Variants in RSU1 observed in about 807,000 individuals in gnomAD.
The protein encoded by RSU1 is rsu-1.
Under a neutral mutation model 31.1 loss-of-function variants are expected in RSU1, and 26 were observed. That is an observed-to-expected ratio of 0.84 (90% CI 0.61 to 1.16). The LOEUF is 1.16. Among genes scored for constraint, RSU1 ranks in the 50% most tolerant of loss-of-function variants. RSU1 has a pLI of 0.00. For missense variants in RSU1, 320 were observed against 339.1 expected, an observed-to-expected ratio of 0.94 and a Z score of 0.44; for synonymous variants, 164 against 136.3, an observed-to-expected ratio of 1.20 and a Z score of -1.41.
chr10:16,799,905 C>G (rs1483527233), intron 2 of RSU1, among the ~76,000 whole-genome samples: 1 of 152,128 alleles, frequency 6.6e-6, no homozygotes, highest in South Asian at 2.1e-4. Flanking sequence ...CACAGGCTCA[C>G]TAGAGAGATC....
chr10:16,632,327 T>C (rs1237610526), intron 8 of RSU1, among the ~76,000 whole-genome samples: 1 of 152,206 alleles, frequency 6.6e-6, no homozygotes, highest in South Asian at 2.1e-4. Flanking sequence ...GAATAAGCTA[T>C]TGAAAAAACA....
chr10:16,630,358 T>C (rs190649788), intron 8 of RSU1, among the ~76,000 whole-genome samples: 187 of 152,374 alleles, frequency 1.2e-3, no homozygotes, highest in Non-Finnish European at 2.3e-3. Flanking sequence ...TCTGTGTTCT[T>C]TCTCCACTAA....
At chr10:16,698,759 C>T (rs1287255248) in intron 7 of RSU1, among the ~76,000 whole-genome samples, 5 of 152,226 alleles carry the variant, frequency 3.3e-5, no homozygotes, top group Admixed American at 2.0e-4. Context: ...AAAGGAGTCA[C>T]ACGCTGATGT....
chr10:16,638,096 T>A (rs1354925696), intron 8 of RSU1, among the ~76,000 whole-genome samples: 4 of 152,204 alleles, frequency 2.6e-5, no homozygotes, highest in Admixed American at 2.6e-4. Flanking sequence ...AGCGATGTAC[T>A]TTTTCATATA....
chr10:16,656,271 G>C (rs978620512), intron 8 of RSU1, among the ~76,000 whole-genome samples: 25 of 151,632 alleles, frequency 1.6e-4, no homozygotes, highest in Admixed American at 1.3e-3. Flanking sequence ...ATAGACTCTC[G>C]GCTTTTCAAA....
chr10:16,798,260 A>G (rs1838082133), intron 2 of RSU1, among the ~76,000 whole-genome samples: 1 of 152,202 alleles, frequency 6.6e-6, no homozygotes, highest in South Asian at 2.1e-4. Flanking sequence ...CATAAAGAAC[A>G]TAAGGAAAGA....
At chr10:16,725,611 T>C (rs1020012687) in intron 7 of RSU1, among the ~76,000 whole-genome samples, 9 of 151,840 alleles carry the variant, frequency 5.9e-5, no homozygotes, top group African/African-American at 2.2e-4. Context: ...AGTTCATTCC[T>C]CTTGCCCTTC....
chr10:16,787,269 G>A (rs116569669), intron 2 of RSU1, among the ~76,000 whole-genome samples: 32 of 152,096 alleles, frequency 2.1e-4, no homozygotes, highest in Non-Finnish European at 3.4e-4. Context: ...GGAATCTTGC[G>A]AGCCCTTTCA....
chr10:16,789,748 T>C (rs137961332), intron 2 of RSU1, among the ~76,000 whole-genome samples: 45 of 152,338 alleles, frequency 3.0e-4, no homozygotes, highest in African/African-American at 1.1e-3. Flanking sequence ...TAACATCTTC[T>C]AATGCTCCTG....
At chr10:16,781,998 T>C (rs1837661026) in intron 3 of RSU1, 36 bp downstream of exon 3, 1 of 1,587,696 alleles carries the variant, frequency 6.3e-7, no homozygotes, top group South Asian at 1.1e-5. Flanking sequence ...ATTACCTAAA[T>C]GTCAGAAACT....
rs995279411 is a variant in RSU1 at position 16,680,271 on chromosome 10, G to T, written c.731+14752C>A. On this transcript the variant is annotated intron_variant, in intron 8 of 8. Transcript: ENST00000345264. Reference sequence around the variant, plus strand: ...CCGAGAATACAGCAGACACAGGCCTGTGTCTCAGGACAGAATGTACACGTG... The same window carrying T: ...CCGAGAATACAGCAGACACAGGCCTTTGTCTCAGGACAGAATGTACACGTG... 2.0e-5 allele frequency among the ~76,000 whole-genome samples: 3 copies of T among 152,118 alleles called. No individual in the cohort carries two copies. In the South Asian group the frequency reaches 6.2e-4, roughly 32 times the overall value.
chr10:16,590,659 A>G lies in RSU1; in HGVS notation c.*2735T>C, dbSNP rs891402200. 2 of 152,250 alleles carry G rather than the reference A, an allele frequency of 1.3e-5. No individual in the cohort carries two copies. Among genetic ancestry groups the G allele is most frequent in the African/African-American group, 4.8e-5 (2 of 41,476 alleles). The allele number at this position is 152,250 out of a possible 1,614,324, so 9.4% of individuals were successfully genotyped here. On this transcript the variant is annotated 3_prime_UTR_variant, in exon 9 of 9. Coordinates refer to ENST00000345264, the MANE Select transcript of RSU1 (RefSeq NM_012425.4). ...TTTAATATTTTCTGATTACAAAAGT[A>G]TATGTGTTCATTAGAAAAAATTTAA...
At chr10:16,635,401 G>C (rs570199736) in intron 8 of RSU1, among the ~76,000 whole-genome samples, 1 of 152,044 alleles carries the variant, frequency 6.6e-6, no homozygotes, top group Admixed American at 6.6e-5. Context: ...CTCTCAGCTA[G>C]CTGATAACCC....
intron 7 of RSU1, among the ~76,000 whole-genome samples, chr10:16,739,945 AAG>A (rs1386784101): frequency 1.3e-5 from 2 of 152,156 alleles, no homozygotes; most frequent in Non-Finnish European, 2.9e-5. Context: ...GAATTACCAA[AAG>A]ACTCTAGAGG....
At chr10:16,737,007 C>A (rs1836641007) in intron 7 of RSU1, among the ~76,000 whole-genome samples, 2 of 138,638 alleles carry the variant, frequency 1.4e-5, no homozygotes, top group Admixed American at 7.6e-5. Context: ...CAAACTGAAG[C>A]CAAAAGGGGG....
At chr10:16,721,459 C>T (rs967768245) in intron 7 of RSU1, 2 of 152,194 alleles carry the variant, frequency 1.3e-5, no homozygotes, top group Non-Finnish European at 2.9e-5. Flanking sequence ...CCACAAGGTC[C>T]AACTGCTTCC....
At chr10:16,749,728 C>A (rs1836934567) in intron 7 of RSU1, among the ~76,000 whole-genome samples, 1 of 152,190 alleles carries the variant, frequency 6.6e-6, no homozygotes, top group Non-Finnish European at 1.5e-5. Flanking sequence ...CTTGCAGAGG[C>A]CATCTCAGCT....
chr10:16,764,846 T>C (rs1339692869), intron 3 of RSU1, among the ~76,000 whole-genome samples: 2 of 152,096 alleles, frequency 1.3e-5, no homozygotes, highest in Admixed American at 1.3e-4. Flanking sequence ...GAAGCATATA[T>C]ACTTATGGTT....
At chr10:16,739,465 C>CTTT (rs1564339586) in intron 7 of RSU1, among the ~76,000 whole-genome samples, 1 of 112,430 alleles carries the variant, frequency 8.9e-6, no homozygotes, top group East Asian at 2.9e-4. Context: ...ACATTTTCTT[C>CTTT]CTTTTTTTTT....
Sources: gnomAD v4.1 joint callset for allele counts (sites outside exome capture counted in the v4.1 genomes callset) on GRCh38, gnomAD v4.1.1 for gene constraint, MANE v1.5 for transcripts, NCBI Gene and HGNC (gene_info 2026-07-23, HGNC 2026-07-21) for gene names.